The following PIEZO2 variants were observed in gnomAD, a reference collection of about 807,000 sequenced individuals.
PIEZO2 encodes the protein piezo type mechanosensitive ion channel component 2, also known as piezo-type mechanosensitive ion channel component 2.
Under a neutral mutation model 337.3 loss-of-function variants are expected in PIEZO2, and 172 were observed. The observed-to-expected ratio is 0.51, with a 90% CI of 0.45 to 0.58. The LOEUF (loss-of-function observed/expected upper bound fraction) is 0.58. Ranked by LOEUF, PIEZO2 falls within the 20% of genes least tolerant of loss-of-function variation. The pLI is 0.00. For synonymous variants in PIEZO2, 1,251 were observed against 1,228.5 expected (o/e 1.02, Z -0.38); for missense variants, 3,028 against 3,391.3 (o/e 0.89, Z 2.66).
chr18:11,100,951 G>A (rs894460475), intron 1 of PIEZO2, among the ~76,000 whole-genome samples: 1 of 152,138 alleles, frequency 6.6e-6, no homozygotes, highest in Non-Finnish European at 1.5e-5. Context: ...GGGGTCATAC[G>A]AAGAAGGGCA....
At chr18:10,920,567 A>C (rs1418395264) in intron 3 of PIEZO2, among the ~76,000 whole-genome samples, 1 of 152,148 alleles carries the variant, frequency 6.6e-6, no homozygotes, top group Non-Finnish European at 1.5e-5. Flanking sequence ...TTTTGTTGGA[A>C]ATATAGTCAA....
chr18:10,781,169 G>A lies in PIEZO2; in HGVS notation c.2493-803C>T, dbSNP rs1454758637. The stretch of plus-strand genomic sequence containing the variant: ...AAAACAAACCTGCATAAATTAAAGA[G>A]CTATAAAAGTAATGAATATGGCCGG... On this transcript the variant is annotated intron_variant, in intron 17 of 55. Transcript: ENST00000674853. This position sits in a 1 kb window ranked among gnomAD's most constrained non-coding sequence, Gnocchi z 4.1. 6.6e-6 allele frequency among the ~76,000 whole-genome samples: 1 copy of A among 152,014 alleles called. No individual in the cohort carries two copies. Among genetic ancestry groups the A allele is most frequent in the Non-Finnish European group, 1.5e-5 (1 of 68,006 alleles).
At chr18:11,059,461 C>T (rs1004486939) in intron 2 of PIEZO2, among the ~76,000 whole-genome samples, 18 of 152,100 alleles carry the variant, frequency 1.2e-4, no homozygotes, top group Non-Finnish European at 1.6e-4. Flanking sequence ...CACAGATTGG[C>T]AAATTGGATA....
rs943703898 is a variant in PIEZO2, at chr18:10,774,543, C to T, written c.2535-505G>A. ...CTGATGCGAACTGTCGATTGGCAAC[C>T]GTGGGAAGACTGTGTGAGATCCTGA... On this transcript the variant is annotated intron_variant, in intron 18 of 55. Transcript: ENST00000674853. Among the ~76,000 whole-genome samples, 12 of 152,200 alleles carry T rather than the reference C, an allele frequency of 7.9e-5. No individual in the cohort carries two copies. In the South Asian group the frequency reaches 1.7e-3, roughly 21 times the overall value.
intron 3 of PIEZO2, among the ~76,000 whole-genome samples, chr18:10,927,070 C>G (rs1239783717): frequency 6.6e-6 from 1 of 152,158 alleles, no homozygotes; most frequent in South Asian, 2.1e-4. Flanking sequence ...CGTTTCTGAC[C>G]TGGGTCACAC....
chr18:10,703,799 G>C (rs1185930972), intron 42 of PIEZO2, among the ~76,000 whole-genome samples: 1 of 152,206 alleles, frequency 6.6e-6, no homozygotes, highest in Non-Finnish European at 1.5e-5. Flanking sequence ...TACCCCGCAT[G>C]GGATGAAAAT....
At chr18:10,866,367 C>A (rs910605737) in intron 5 of PIEZO2, among the ~76,000 whole-genome samples, 22 of 151,468 alleles carry the variant, frequency 1.5e-4, no homozygotes, top group Admixed American at 2.0e-4. Flanking sequence ...CTCACTGCAA[C>A]CTCTGCCTCC....
chr18:10,842,089 C>A (rs993612606), intron 7 of PIEZO2, among the ~76,000 whole-genome samples: 2 of 146,970 alleles, frequency 1.4e-5, no homozygotes, highest in African/African-American at 5.1e-5. Flanking sequence ...GTGGAGGCTG[C>A]AGTGAGCCGA....
intron 2 of PIEZO2, among the ~76,000 whole-genome samples, chr18:11,058,486 G>A (rs923048109): frequency 6.6e-6 from 1 of 152,134 alleles, no homozygotes; most frequent in Non-Finnish European, 1.5e-5. Flanking sequence ...TGAGCTAAAG[G>A]AGGAAGTTCG....
Position 10,903,159 on chromosome 18 carries a change from C to T in PIEZO2, c.329+8027G>A, listed in dbSNP as rs1193081329. ...AGTTGTAACTTCGAATTCTACTTACCTAAAATGCGTTTGGCATACATCTGC... is the reference window on the plus strand; with the variant it reads ...AGTTGTAACTTCGAATTCTACTTACTTAAAATGCGTTTGGCATACATCTGC... On this transcript the variant is annotated intron_variant, in intron 4 of 55. Transcript: ENST00000674853. The surrounding 1 kb of genome is among the most constrained non-coding windows in gnomAD (Gnocchi z 4.1). 6.6e-6 allele frequency among the ~76,000 whole-genome samples: 1 copy of T among 152,156 alleles called. No homozygotes were observed. Among genetic ancestry groups the T allele is most frequent in the Non-Finnish European group, 1.5e-5 (1 of 68,036 alleles).
Position 10,795,986 on chromosome 18 carries a change from G to A in PIEZO2, c.1528-984C>T, listed in dbSNP as rs2039580606. On this transcript the variant is annotated intron_variant, in intron 12 of 55. Transcript: ENST00000674853. The surrounding 1 kb of genome is among the most constrained non-coding windows in gnomAD (Gnocchi z 4.4). ...TTGAAGGTGTGATGTTGCAGATGGT[G>A]AGTAGAAACACACATAAACTGAGAG... 6.6e-6 allele frequency among the ~76,000 whole-genome samples: 1 copy of A among 152,104 alleles called. No homozygotes were observed. The highest frequency in any genetic ancestry group is 1.5e-5 in the Non-Finnish European group (1 of 68,018).
In PIEZO2 at chr18:10,820,267, A is replaced by G. The variant is rs183849486; in HGVS notation, c.918-12993T>C. Among the ~76,000 whole-genome samples, 35 of 151,404 alleles carry G rather than the reference A, an allele frequency of 2.3e-4. No individual in the cohort carries two copies. The East Asian group carries it at 5.4e-3, about 23-fold the overall frequency. Reference sequence around the variant, plus strand: ...GTTATTTCTTAATATACATTTGTCTATGCCCACATCTTTCTCCAGTTATAC... The same window carrying G: ...GTTATTTCTTAATATACATTTGTCTGTGCCCACATCTTTCTCCAGTTATAC... On this transcript the variant is annotated intron_variant, in intron 7 of 55. Coordinates refer to ENST00000674853, the MANE Select transcript of PIEZO2 (RefSeq NM_001378183.1).
chr18:10,806,252 G>C (rs2039999407), intron 8 of PIEZO2, among the ~76,000 whole-genome samples: 1 of 152,156 alleles, frequency 6.6e-6, no homozygotes, highest in African/African-American at 2.4e-5. Context: ...CAGCTGTAGG[G>C]TTCCCCGCAG....
intron 2 of PIEZO2, among the ~76,000 whole-genome samples, chr18:11,040,109 G>GAA (rs11325126): frequency 3.9e-4 from 57 of 147,114 alleles, no homozygotes; most frequent in Admixed American, 1.8e-3. Flanking sequence ...AATACCATCT[G>GAA]AAAAAAAAAA....
At chr18:10,734,936 A>G (rs906979899) in intron 35 of PIEZO2, among the ~76,000 whole-genome samples, 4 of 152,202 alleles carry the variant, frequency 2.6e-5, no homozygotes, top group African/African-American at 7.2e-5. Flanking sequence ...TTAAAATGAG[A>G]TGTGACTTAG....
intron 39 of PIEZO2, among the ~76,000 whole-genome samples, chr18:10,710,212 G>T (rs1179056165): frequency 6.6e-6 from 1 of 152,210 alleles, no homozygotes; most frequent in Non-Finnish European, 1.5e-5. Flanking sequence ...TTAACTCTTG[G>T]ATGGAGTTCT....
Position 10,809,417 on chromosome 18 carries a change from C to A in PIEZO2, c.918-2143G>T, listed in dbSNP as rs9973185. ...TCTCAAGTAGCTGGAACCACAGGTG[C>A]GCACCACCATGCCAGCTAATTTTTG... On this transcript the variant is annotated intron_variant, in intron 7 of 55. Transcript: ENST00000674853. Among the ~76,000 whole-genome samples, 14 of 151,826 alleles carry A rather than the reference C, an allele frequency of 9.2e-5. No homozygotes were observed. The East Asian group carries it at 2.7e-3, about 29-fold the overall frequency.
At chr18:10,923,597 T>C (rs1012134158) in intron 3 of PIEZO2, among the ~76,000 whole-genome samples, 9 of 152,262 alleles carry the variant, frequency 5.9e-5, no homozygotes, top group African/African-American at 2.2e-4. Context: ...AATATTTGCT[T>C]CACTTGTACT....
intron 17 of PIEZO2, among the ~76,000 whole-genome samples, chr18:10,782,323 AT>A (rs1568050916): frequency 2.2e-5 from 2 of 91,480 alleles, no homozygotes; most frequent in African/African-American, 9.8e-5. Flanking sequence ...ATAATATATT[AT>A]AATTATATAT....
Sources: gnomAD v4.1 joint callset for allele counts (sites outside exome capture counted in the v4.1 genomes callset) on GRCh38, gnomAD v4.1.1 for gene constraint, Gnocchi (gnomAD v3.1) non-coding constraint, MANE v1.5 for transcripts, NCBI Gene and HGNC (gene_info 2026-07-23, HGNC 2026-07-21) for gene names.